The following XRCC4 variants were observed in gnomAD, a reference collection of about 807,000 sequenced individuals.
XRCC4 encodes the protein DNA repair protein XRCC4.
Under a neutral mutation model 39.1 loss-of-function variants are expected in XRCC4, and 28 were observed. The ratio of observed to expected loss-of-function variants is 0.72; its 90% CI spans 0.53 to 0.98. The LOEUF (loss-of-function observed/expected upper bound fraction) is 0.98, where lower values mean the gene tolerates loss of function less well. XRCC4 is among the 50% of genes least tolerant of loss of function. The probability of loss-of-function intolerance (pLI) is 0.00; values close to 1 mark genes in which losing one functional copy is unlikely to be tolerated. For missense variants in XRCC4, 350 were observed against 376.4 expected (o/e 0.93, Z 0.58); for synonymous variants, 123 against 126.4 (o/e 0.97, Z 0.18).
intron 6 of XRCC4, among the ~76,000 whole-genome samples, chr5:83,227,512 G>C (rs1403014805): frequency 6.6e-6 from 1 of 152,002 alleles, no homozygotes; most frequent in Non-Finnish European, 1.5e-5. Flanking sequence ...ATAGTTGTCT[G>C]AAATTATCTA....
At chr5:83,252,852 C>T (rs898387436) in intron 6 of XRCC4, among the ~76,000 whole-genome samples, 1 of 152,032 alleles carries the variant, frequency 6.6e-6, no homozygotes. Context: ...AATAAGAGAT[C>T]CAGTCTTTAT....
intron 3 of XRCC4, among the ~76,000 whole-genome samples, chr5:83,132,698 C>T (rs1747662379): frequency 6.6e-6 from 1 of 152,106 alleles, no homozygotes; most frequent in Non-Finnish European, 1.5e-5. Flanking sequence ...GTGCATGCGG[C>T]ATGTAGTTCT....
At chr5:83,187,814 T>A (rs1040557556) in intron 3 of XRCC4, among the ~76,000 whole-genome samples, 2 of 152,224 alleles carry the variant, frequency 1.3e-5, no homozygotes, top group African/African-American at 4.8e-5. Flanking sequence ...TGTTGAACAC[T>A]AAAATGTGAC....
chr5:83,207,697 C>T (rs945880521), intron 6 of XRCC4, among the ~76,000 whole-genome samples: 3 of 152,044 alleles, frequency 2.0e-5, no homozygotes, highest in African/African-American at 4.8e-5. Flanking sequence ...ACAAAATGGG[C>T]CACCCTATAA....
intron 6 of XRCC4, among the ~76,000 whole-genome samples, chr5:83,245,920 T>C (rs1214444423): frequency 6.6e-6 from 1 of 151,064 alleles, no homozygotes; most frequent in African/African-American, 2.4e-5. Flanking sequence ...AAGAAATAGA[T>C]TATTGTCTAT....
intron 6 of XRCC4, among the ~76,000 whole-genome samples, chr5:83,217,358 C>CAAAAAAAAA (rs59416363): frequency 2.2e-4 from 21 of 96,146 alleles, no homozygotes; most frequent in African/African-American, 3.3e-4. Context: ...GACTCCGTCT[C>CAAAAAAAAA]AAAAAAAAAA....
At chr5:83,290,356 A>G (rs1045643574) in intron 7 of XRCC4, among the ~76,000 whole-genome samples, 4 of 151,466 alleles carry the variant, frequency 2.6e-5, no homozygotes, top group Non-Finnish European at 5.9e-5. Context: ...ATTATATATA[A>G]AGTGGATGCC....
At position 83,161,801 on chromosome 5, in the gene XRCC4, G is replaced by A. The variant is rs181283321; in HGVS notation, c.316-33969G>A. Among the ~76,000 whole-genome samples, 131 of 151,972 alleles carry A rather than the reference G, an allele frequency of 8.6e-4. No individual in the cohort carries two copies. In the Middle Eastern group the frequency reaches 0.01, roughly 12 times the overall value. ...TTGAACCTGTATTATGATTTCATGT[G>A]AATTTGCTACAGTGAACTTTTGATT... On this transcript the variant is annotated intron_variant, in intron 3 of 7. Coordinates refer to ENST00000396027, the MANE Select transcript of XRCC4 (RefSeq NM_003401.5).
At chr5:83,078,661 T>C (rs1199209388) in intron 1 of XRCC4, among the ~76,000 whole-genome samples, 2 of 152,230 alleles carry the variant, frequency 1.3e-5, no homozygotes, top group Non-Finnish European at 2.9e-5. Context: ...TATTTGAGTC[T>C]GTTATATTGA....
intron 1 of XRCC4, among the ~76,000 whole-genome samples, chr5:83,102,162 T>C (rs1008327009): frequency 9.9e-5 from 15 of 152,132 alleles, no homozygotes; most frequent in Admixed American, 3.3e-4. Context: ...TATTTTTTAA[T>C]TGTTTATAAT....
At chr5:83,162,036 G>A (rs1024625604) in intron 3 of XRCC4, among the ~76,000 whole-genome samples, 4 of 152,120 alleles carry the variant, frequency 2.6e-5, no homozygotes, top group Admixed American at 6.6e-5. Flanking sequence ...GTGTGGTGGC[G>A]GGTGCCTGTA....
At chr5:83,131,224 T>C (rs1285827057) in intron 3 of XRCC4, among the ~76,000 whole-genome samples, 1 of 152,204 alleles carries the variant, frequency 6.6e-6, no homozygotes. Context: ...CATTTTGTTA[T>C]TTACCCGTAG....
chr5:83,181,053 C>CTTTTTTTTTTTTTTTTTTTT (rs374001978), intron 3 of XRCC4, among the ~76,000 whole-genome samples: 1 of 139,384 alleles, frequency 7.2e-6, no homozygotes, highest in African/African-American at 2.6e-5. Flanking sequence ...TTTAAACTTT[C>CTTTTTTTTTTTTTTTTTTTT]TTTTTTTTTT....
the XRCC4 span, among the ~76,000 whole-genome samples, chr5:83,359,521 C>A: frequency 6.6e-6 from 1 of 152,102 alleles, no homozygotes; most frequent in Admixed American, 6.6e-5. Flanking sequence ...ACCCTGGGGA[C>A]CGACAGGGGA....
At chr5:83,133,665 C>T (rs1399498331) in intron 3 of XRCC4, among the ~76,000 whole-genome samples, 1 of 152,208 alleles carries the variant, frequency 6.6e-6, no homozygotes, top group Non-Finnish European at 1.5e-5. Context: ...AGCGAGGCTC[C>T]ATGGGCATGG....
rs1561467741 is a variant in XRCC4 at position 83,309,299 on chromosome 5, AT to A, written c.894-43831del. On this transcript the variant is annotated intron_variant, in intron 7 of 7. Coordinates refer to ENST00000396027, the MANE Select transcript of XRCC4 (RefSeq NM_003401.5). The stretch of plus-strand genomic sequence containing the variant: ...AAAAAAAAAAAAAAAAAAAAAAAAT[AT>A]ATATATATATATATATATATAGGCT... Among the ~76,000 whole-genome samples, 742 of 77,068 alleles carry A rather than the reference AT, an allele frequency of 9.6e-3. 25 individuals are homozygous for A. The highest frequency in any genetic ancestry group is 0.014 in the Non-Finnish European group (555 of 40,036). The allele number at this position is 77,068 out of a possible 152,430, so 50.6% of individuals were successfully genotyped here. A position where few individuals can be genotyped will look rare whatever the true frequency, so the allele number is the denominator to read the frequency against.
intron 4 of XRCC4, chr5:83,202,280 A>C (rs1053139882): frequency 6.6e-6 from 1 of 152,208 alleles, no homozygotes; most frequent in Non-Finnish European, 1.5e-5. Context: ...ATAAGAACCT[A>C]CCAAACATCT....
intron 7 of XRCC4, among the ~76,000 whole-genome samples, chr5:83,300,757 T>C (rs1446856177): frequency 6.6e-6 from 1 of 150,496 alleles, no homozygotes; most frequent in Non-Finnish European, 1.5e-5. Flanking sequence ...CAGGCCCCGT[T>C]GTGTGATGTT....
chr5:83,344,128 TCTCACACA>T (rs971519578), intron 7 of XRCC4, among the ~76,000 whole-genome samples: 35 of 134,848 alleles, frequency 2.6e-4, no homozygotes, highest in African/African-American at 8.7e-4. Context: ...CTGACACAGA[TCTCACACA>T]CACACACACA....
Sources: gnomAD v4.1 joint callset for allele counts (sites outside exome capture counted in the v4.1 genomes callset) on GRCh38, gnomAD v4.1.1 for gene constraint, MANE v1.5 for transcripts, NCBI Gene and HGNC (gene_info 2026-07-23, HGNC 2026-07-21) for gene names.